SH2D3C: variants seen among roughly 807,000 people sequenced by gnomAD.
The protein encoded by SH2D3C is SH2 domain containing 3C, also known as SH2 domain-containing protein 3C.
SH2D3C carries 25 observed loss-of-function variants against 75.2 expected under a neutral mutation model. The ratio of observed to expected loss-of-function variants is 0.33; its 90% confidence interval spans 0.24 to 0.46. The LOEUF (loss-of-function observed/expected upper bound fraction) is 0.46. SH2D3C is among the 20% of genes least tolerant of loss of function. The pLI is 1.00. For synonymous variants in SH2D3C, 450 were observed against 473.7 expected (o/e 0.95, Z 0.65); for missense variants, 933 against 1,165.3 (o/e 0.80, Z 2.90).
At chr9:127,762,006 C>G in intron 2 of SH2D3C, 1 of 299,316 alleles carries the variant, frequency 3.3e-6, no homozygotes, top group Non-Finnish European at 6.2e-6. Context: ...ACCACGCCTC[C>G]CTGGTTTTCT....
intron 2 of SH2D3C, among the ~76,000 whole-genome samples, chr9:127,769,528 T>C (rs1845694552): frequency 6.6e-6 from 1 of 151,600 alleles, no homozygotes; most frequent in African/African-American, 2.4e-5. Context: ...TGGTGGCGCA[T>C]GCCTGTAATC....
intron 9 of SH2D3C, among the ~76,000 whole-genome samples, chr9:127,741,257 T>C (rs1452731295): frequency 6.6e-6 from 1 of 151,320 alleles, no homozygotes; most frequent in Non-Finnish European, 1.5e-5. Context: ...TTTTTTTTTT[T>C]TGAGACGGAG....
At position 127,739,925 on chromosome 9, in the gene SH2D3C, G is replaced by A. The variant is rs1472497291; in HGVS notation, c.2201-37C>T. 4.7e-6 allele frequency: 7 copies of A among 1,479,118 alleles called. No individual in the cohort carries two copies. Among genetic ancestry groups the A allele is most frequent in the Non-Finnish European group, 6.3e-6 (7 of 1,103,104 alleles). The allele number at this position is 1,479,118 out of a possible 1,614,324, so 91.6% of individuals were successfully genotyped here. A position where few individuals can be genotyped will look rare whatever the true frequency, so the allele number is the denominator to read the frequency against. Reference sequence around the variant, plus strand: ...AAGGCAGCAGGCGCTTAAAGATCCTGTAGTGCCCCACCATCCACTGCAGTC... The same window carrying A: ...AAGGCAGCAGGCGCTTAAAGATCCTATAGTGCCCCACCATCCACTGCAGTC... On this transcript the variant is annotated intron_variant, in intron 10 of 11. Transcript: ENST00000314830. The surrounding 1 kb of genome is among the most constrained non-coding windows in gnomAD (Gnocchi z 4.3).
intron 3 of SH2D3C, among the ~76,000 whole-genome samples, chr9:127,759,740 T>C (rs1845480779): frequency 6.6e-6 from 1 of 151,884 alleles, no homozygotes; most frequent in African/African-American, 2.4e-5. Flanking sequence ...TCCCAGCATT[T>C]TGGGAGGCCA....
Position 127,743,027 on chromosome 9 carries a change from T to C in SH2D3C, c.1801-63A>G, listed in dbSNP as rs1177425075. 7 of 1,266,398 alleles carry C rather than the reference T, an allele frequency of 5.5e-6. No individual in the cohort carries two copies. The African/African-American group carries it at 5.9e-5, about 11-fold the overall frequency. 78.4% of individuals were successfully genotyped at this position (1,266,398 alleles called of 1,614,324 possible). On this transcript the variant is annotated intron_variant, in intron 7 of 11. Transcript: ENST00000314830. The stretch of plus-strand genomic sequence containing the variant: ...AGGGCTGGCCCCAGCCATCTGGGAG[T>C]CAGAGAGCTTTATCTAAGGGGGTAG...
At chr9:127,756,941 T>G (rs1845398171) in intron 3 of SH2D3C, among the ~76,000 whole-genome samples, 1 of 152,000 alleles carries the variant, frequency 6.6e-6, no homozygotes, top group African/African-American at 2.4e-5. Context: ...CTGTTCTTGT[T>G]TTTTTGAGAC....
chr9:127,760,881 C>T (rs1248515138), intron 3 of SH2D3C, among the ~76,000 whole-genome samples: 6 of 151,548 alleles, frequency 4.0e-5, no homozygotes, highest in East Asian at 1.9e-4. Context: ...TCTTTTTTCC[C>T]GGGCTGGAGT....
intron 1 of SH2D3C, among the ~76,000 whole-genome samples, chr9:127,775,440 G>A (rs939238774): frequency 2.0e-5 from 3 of 152,060 alleles, no homozygotes; most frequent in Non-Finnish European, 2.9e-5. Context: ...GACCAGCCTG[G>A]TCAACATGGT....
chr9:127,757,084 C>G (rs113277334), intron 3 of SH2D3C, among the ~76,000 whole-genome samples: 9,022 of 150,900 alleles, frequency 0.06, 602 homozygotes, highest in African/African-American at 0.16. Context: ...TGACAAGTGC[C>G]TGCCACCATG....
intron 1 of SH2D3C, among the ~76,000 whole-genome samples, chr9:127,777,405 C>A (rs909855987): frequency 4.6e-5 from 7 of 151,928 alleles, no homozygotes; most frequent in African/African-American, 1.7e-4. Context: ...CCCATGACAC[C>A]CCCATCCCCC....
At chr9:127,771,260 G>C (rs918043421) in intron 2 of SH2D3C, 1 of 1,540,848 alleles carries the variant, frequency 6.5e-7, no homozygotes, top group Non-Finnish European at 8.8e-7. Flanking sequence ...CGGCAACCCG[G>C]GGACCTCCTA....
At chr9:127,746,617 A>G (rs1845039039) in intron 6 of SH2D3C, among the ~76,000 whole-genome samples, 1 of 152,244 alleles carries the variant, frequency 6.6e-6, no homozygotes, top group Admixed American at 6.5e-5. Context: ...ACCCTGGCCA[A>G]CATGGTGAAA....
chr9:127,765,768 C>T (rs1845621260), intron 2 of SH2D3C, among the ~76,000 whole-genome samples: 1 of 152,180 alleles, frequency 6.6e-6, no homozygotes, highest in African/African-American at 2.4e-5. Context: ...TCAAAGCATC[C>T]ATTTTTAAAA....
At chr9:127,756,640 C>CTTTTTTT (rs573247009) in intron 3 of SH2D3C, among the ~76,000 whole-genome samples, 10 of 93,834 alleles carry the variant, frequency 1.1e-4, no homozygotes, top group Non-Finnish European at 1.7e-4. Context: ...TAGGAGGGGG[C>CTTTTTTT]TTTTTTTTTT....
At chr9:127,760,378 C>T (rs1252735936) in intron 3 of SH2D3C, among the ~76,000 whole-genome samples, 1 of 152,024 alleles carries the variant, frequency 6.6e-6, no homozygotes, top group Non-Finnish European at 1.5e-5. Flanking sequence ...GGGGTGTAAT[C>T]CCAGTTCTTC....
intron 1 of SH2D3C, among the ~76,000 whole-genome samples, chr9:127,776,024 TCAC>T (rs1236227642): frequency 2.0e-5 from 3 of 151,998 alleles, no homozygotes; most frequent in Non-Finnish European, 4.4e-5. Flanking sequence ...AGACAGGGTT[TCAC>T]CATGTTGGCC....
At position 127,738,694 on chromosome 9, in the gene SH2D3C, C is replaced by A; in HGVS notation, c.*52G>T. On this transcript the variant is annotated 3_prime_UTR_variant, in exon 12 of 12. Transcript: ENST00000314830. This position sits in a 1 kb window ranked among gnomAD's most constrained non-coding sequence, Gnocchi z 5.0. Reference sequence around the variant, plus strand: ...GGGGTGCTCTGGGGAAAGTTGTGTGCCCCTCTGCCCCTGACGCTGTCCGCA... The same window carrying A: ...GGGGTGCTCTGGGGAAAGTTGTGTGACCCTCTGCCCCTGACGCTGTCCGCA... 1 of 1,485,078 alleles carries A rather than the reference C, an allele frequency of 6.7e-7. No individual in the cohort carries two copies. The allele number at this position is 1,485,078 out of a possible 1,614,324, so 92.0% of individuals were successfully genotyped here. A position where few individuals can be genotyped will look rare whatever the true frequency, so the allele number is the denominator to read the frequency against.
At chr9:127,747,059 G>A in intron 6 of SH2D3C, 88 bp downstream of exon 6, 1 of 1,406,034 alleles carries the variant, frequency 7.1e-7, no homozygotes, top group Non-Finnish European at 9.7e-7. Context: ...TCATAAAAGA[G>A]GCGGAAACAC....
At chr9:127,767,611 C>T (rs530079044) in intron 2 of SH2D3C, among the ~76,000 whole-genome samples, 2 of 152,304 alleles carry the variant, frequency 1.3e-5, no homozygotes, top group Admixed American at 1.3e-4. Flanking sequence ...CTGAGAGGGC[C>T]CTCGGCTGGG....
Sources: allele counts gnomAD v4.1 joint callset (sites outside exome capture counted in the v4.1 genomes callset), GRCh38; gene constraint gnomAD v4.1.1; non-coding constraint Gnocchi (gnomAD v3.1); transcripts MANE v1.5; gene names NCBI Gene and HGNC (gene_info 2026-07-23, HGNC 2026-07-21).